MINDY3: variants seen among roughly 807,000 people sequenced by gnomAD.
The protein encoded by MINDY3 is MINDY lysine 48 deubiquitinase 3.
In MINDY3, 38 loss-of-function variants were observed where a neutral mutation model predicts 69.2. The ratio of observed to expected loss-of-function variants is 0.55; its 90% CI spans 0.42 to 0.72. The LOEUF (loss-of-function observed/expected upper bound fraction) is 0.72, where lower values mean the gene tolerates loss of function less well. Ranked by LOEUF, MINDY3 falls within the 30% of genes least tolerant of loss-of-function variation. The pLI, the probability that MINDY3 is intolerant of heterozygous loss-of-function variation, is 0.00. For missense variants in MINDY3, 522 were observed against 519.0 expected (o/e 1.01, Z -0.06); for synonymous variants, 192 against 180.1 (o/e 1.07, Z -0.53).
At chr10:15,833,498 A>G (rs982944393) in intron 8 of MINDY3, 132 bp downstream of exon 8, 1 of 537,172 alleles carries the variant, frequency 1.9e-6, no homozygotes, top group African/African-American at 1.9e-5. Flanking sequence ...TGAAAACTGT[A>G]AAGGATTCTT....
At chr10:15,781,226 A>G (rs1001899858) in intron 14 of MINDY3, among the ~76,000 whole-genome samples, 8 of 151,970 alleles carry the variant, frequency 5.3e-5, no homozygotes, top group African/African-American at 1.9e-4. Context: ...TGTTATAAAG[A>G]TAGCAGTAAA....
At chr10:15,844,742 C>G (rs917077325) in intron 2 of MINDY3, among the ~76,000 whole-genome samples, 2 of 152,238 alleles carry the variant, frequency 1.3e-5, no homozygotes, top group Admixed American at 6.5e-5. Context: ...AATTCCTACC[C>G]ACAAATTTGT....
intron 10 of MINDY3, among the ~76,000 whole-genome samples, chr10:15,807,276 G>A (rs995502634): frequency 1.3e-5 from 2 of 152,162 alleles, no homozygotes; most frequent in African/African-American, 4.8e-5. Context: ...AGTAGGTAGT[G>A]TGGGAAATCA....
chr10:15,780,481 T>C (rs1455944084), intron 14 of MINDY3, among the ~76,000 whole-genome samples: 3 of 152,206 alleles, frequency 2.0e-5, no homozygotes, highest in African/African-American at 7.2e-5. Flanking sequence ...GCCCTATTTT[T>C]CACAAAGAAC....
intron 1 of MINDY3, among the ~76,000 whole-genome samples, 199 bp from the exon 2 acceptor site, chr10:15,848,142 G>A (rs1833984314): frequency 6.6e-6 from 1 of 152,026 alleles, no homozygotes; most frequent in South Asian, 2.1e-4. Flanking sequence ...GCACGTAAGA[G>A]TACATATACT....
At chr10:15,789,682 ACAATT>A (rs1404688985) in intron 11 of MINDY3, among the ~76,000 whole-genome samples, 6 of 152,144 alleles carry the variant, frequency 3.9e-5, no homozygotes, top group Non-Finnish European at 5.9e-5. Context: ...TTTGCATTTA[ACAATT>A]CAATTAAAAT....
intron 10 of MINDY3, among the ~76,000 whole-genome samples, chr10:15,812,220 C>A (rs113423431): frequency 3.3e-4 from 51 of 152,300 alleles, no homozygotes; most frequent in African/African-American, 1.2e-3. Flanking sequence ...GGATTACAGG[C>A]ATGAGCCCCT....
chr10:15,803,491 T>G (rs532570360), intron 10 of MINDY3, among the ~76,000 whole-genome samples: 1 of 152,238 alleles, frequency 6.6e-6, no homozygotes, highest in South Asian at 2.1e-4. Context: ...ATAAAATGGT[T>G]TAGTTAGAAG....
Position 15,786,474 on chromosome 10 carries a change from A to T in MINDY3, c.1116+87T>A. The T allele has an allele frequency of 4.8e-6, 4 of 840,696 alleles. No individual in the cohort carries two copies. In the East Asian group the frequency reaches 9.8e-5, roughly 21 times the overall value. 52.1% of individuals were successfully genotyped at this position (840,696 alleles called of 1,614,324 possible). A position where few individuals can be genotyped will look rare whatever the true frequency, so the allele number is the denominator to read the frequency against. ...CAGTCTCATATCTGCGCATTAGGAC[A>T]TTGTACAGAAAGAGAAAATGCTGCA... On this transcript the variant is annotated intron_variant, in intron 13 of 14. Transcript: ENST00000277632.
At chr10:15,849,612 T>C (rs1019985551) in intron 1 of MINDY3, among the ~76,000 whole-genome samples, 1 of 152,136 alleles carries the variant, frequency 6.6e-6, no homozygotes, top group African/African-American at 2.4e-5. Flanking sequence ...TTATTTACTA[T>C]GTGTTAAGTG....
At chr10:15,842,904 C>CAAAAAAAAAAAAAAAAAAA in intron 3 of MINDY3, among the ~76,000 whole-genome samples, 1 of 68,238 alleles carries the variant, frequency 1.5e-5, no homozygotes, top group Non-Finnish European at 2.9e-5. Flanking sequence ...AATAAGACTA[C>CAAAAAAAAAAAAAAAAAAA]AAAAAAAAAA....
chr10:15,852,485 G>A (rs1834374993), intron 1 of MINDY3, among the ~76,000 whole-genome samples: 1 of 152,048 alleles, frequency 6.6e-6, no homozygotes, highest in African/African-American at 2.4e-5. Context: ...TAATGAAGTT[G>A]GGAACTTTAA....
intron 10 of MINDY3, among the ~76,000 whole-genome samples, chr10:15,797,451 C>CAA (rs1304147779): frequency 6.6e-6 from 1 of 152,112 alleles, no homozygotes; most frequent in Non-Finnish European, 1.5e-5. Context: ...TGTATACGCC[C>CAA]AAGTGACATG....
At chr10:15,824,602 T>C (rs1039648011) in intron 8 of MINDY3, among the ~76,000 whole-genome samples, 4 of 152,276 alleles carry the variant, frequency 2.6e-5, no homozygotes, top group Non-Finnish European at 5.9e-5. Flanking sequence ...CGCAAACTTT[T>C]CTCTCCCTTT....
chr10:15,794,509 CTTGCT>C (rs1439799508), intron 11 of MINDY3, among the ~76,000 whole-genome samples: 6 of 152,028 alleles, frequency 3.9e-5, no homozygotes, highest in Non-Finnish European at 8.8e-5. Context: ...ATAAGTTTTG[CTTGCT>C]TTAATAATTC....
chr10:15,843,183 G>C lies in MINDY3; in HGVS notation c.235+29C>G, dbSNP rs1202637268. 5 of 1,583,534 alleles carry C rather than the reference G, an allele frequency of 3.2e-6. No homozygotes were observed. The Admixed American group carries it at 6.8e-5, about 21-fold the overall frequency. ...CATCTCTATTAAAACAGAGGAGGAA[G>C]CAAAAGTTTTAAAAGACAGCTATCA... is the stretch of plus-strand genomic sequence containing the variant. On this transcript the variant is annotated intron_variant, in intron 3 of 14. Coordinates refer to ENST00000277632, the MANE Select transcript of MINDY3 (RefSeq NM_024948.4).
At chr10:15,792,887 G>C (rs1444182626) in intron 11 of MINDY3, among the ~76,000 whole-genome samples, 1 of 152,008 alleles carries the variant, frequency 6.6e-6, no homozygotes, top group South Asian at 2.1e-4. Flanking sequence ...TAAGCTCTGT[G>C]CCACACATTT....
intron 8 of MINDY3, among the ~76,000 whole-genome samples, chr10:15,832,978 A>G (rs1832835767): frequency 6.6e-6 from 1 of 152,182 alleles, no homozygotes; most frequent in Non-Finnish European, 1.5e-5. Flanking sequence ...GTGGTTACTT[A>G]ATGTAAGTTA....
intron 11 of MINDY3, among the ~76,000 whole-genome samples, chr10:15,794,591 G>A (rs1224539052): frequency 6.6e-6 from 1 of 151,966 alleles, no homozygotes; most frequent in African/African-American, 2.4e-5. Flanking sequence ...AATTTTCTTT[G>A]TCTAAAAGAA....
Sources: gnomAD v4.1 joint callset for allele counts (sites outside exome capture counted in the v4.1 genomes callset) on GRCh38, gnomAD v4.1.1 for gene constraint, MANE v1.5 for transcripts, NCBI Gene and HGNC (gene_info 2026-07-23, HGNC 2026-07-21) for gene names.